Variants in CYB5R4 observed in about 807,000 individuals in gnomAD.
The protein encoded by CYB5R4 is cytochrome b5 reductase 4.
A neutral mutation model predicts 70.2 loss-of-function variants in CYB5R4; 55 were observed. The ratio of observed to expected loss-of-function variants is 0.78; its 90% confidence interval spans 0.63 to 0.98. CYB5R4 has a LOEUF of 0.98. Among genes scored for constraint, CYB5R4 ranks in the 50% least tolerant of loss-of-function variants. The probability of loss-of-function intolerance (pLI) is 0.00; values close to 1 mark genes in which losing one functional copy is unlikely to be tolerated. For missense variants in CYB5R4, 562 were observed against 612.6 expected, an observed-to-expected ratio of 0.92 and a Z score of 0.87; for synonymous variants, 197 against 199.5, an observed-to-expected ratio of 0.99 and a Z score of 0.11.
At position 83,870,719 on chromosome 6, in the gene CYB5R4, C is replaced by T. The variant is rs560310382; in HGVS notation, c.229+6391C>T. Among the ~76,000 whole-genome samples the T allele has an allele frequency of 2.2e-4, 34 of 152,114 alleles. No homozygotes were observed. The South Asian group carries it at 6.4e-3, about 29-fold the overall frequency. ...TTTCTTGGCAGATTTTTGAACAACT[C>T]TCTTCTTCCATTTTCTTGTTTAGGT... On this transcript the variant is annotated intron_variant, in intron 2 of 15. Coordinates refer to ENST00000369681, the MANE Select transcript of CYB5R4 (RefSeq NM_016230.4).
At chr6:83,871,458 T>C (rs1308630357) in intron 2 of CYB5R4, among the ~76,000 whole-genome samples, 4 of 152,190 alleles carry the variant, frequency 2.6e-5, no homozygotes, top group African/African-American at 4.8e-5. Context: ...ACTCTTTTCC[T>C]TCTCCTCCTT....
chr6:83,933,429 G>A (rs866253047), intron 10 of CYB5R4, among the ~76,000 whole-genome samples: 41 of 152,228 alleles, frequency 2.7e-4, no homozygotes, highest in Middle Eastern at 3.4e-3. Flanking sequence ...GTGAATTTCA[G>A]TTTTCTACTA....
chr6:83,936,960 T>C (rs1311567845), intron 12 of CYB5R4, among the ~76,000 whole-genome samples: 1 of 152,230 alleles, frequency 6.6e-6, no homozygotes, highest in Non-Finnish European at 1.5e-5. Context: ...TTTCTTTACC[T>C]GTCAAGTACT....
intron 3 of CYB5R4, among the ~76,000 whole-genome samples, chr6:83,905,106 G>C: frequency 6.6e-6 from 1 of 152,116 alleles, no homozygotes; most frequent in South Asian, 2.1e-4. Flanking sequence ...CCAGGCTGGA[G>C]TGCAGCGGTG....
intron 5 of CYB5R4, among the ~76,000 whole-genome samples, chr6:83,917,032 C>G (rs952418212): frequency 6.6e-6 from 1 of 152,068 alleles, no homozygotes; most frequent in Non-Finnish European, 1.5e-5. Flanking sequence ...AAACAATGCA[C>G]TTCTATTGTA....
At chr6:83,939,713 T>C (rs1390577877) in intron 12 of CYB5R4, among the ~76,000 whole-genome samples, 1 of 152,228 alleles carries the variant, frequency 6.6e-6, no homozygotes, top group Non-Finnish European at 1.5e-5. Flanking sequence ...AGTTTAGCAA[T>C]CAATCCTTTA....
intron 14 of CYB5R4, among the ~76,000 whole-genome samples, chr6:83,955,069 T>A (rs561909713): frequency 5.3e-5 from 8 of 152,202 alleles, no homozygotes; most frequent in African/African-American, 1.9e-4. Context: ...TAAAAAAAAA[T>A]GCCAAATTAC....
chr6:83,930,835 C>T (rs558906949), intron 10 of CYB5R4, among the ~76,000 whole-genome samples: 1 of 151,976 alleles, frequency 6.6e-6, no homozygotes, highest in South Asian at 2.1e-4. Context: ...GACAGTCACC[C>T]AAAAACTCTG....
intron 15 of CYB5R4, among the ~76,000 whole-genome samples, chr6:83,956,903 T>TAAA (rs34874459): frequency 7.8e-6 from 1 of 127,762 alleles, no homozygotes; most frequent in Non-Finnish European, 1.7e-5. Context: ...TTGGGCAAGA[T>TAAA]AAAAAAAAAA....
chr6:83,871,394 G>A (rs2099457607), intron 2 of CYB5R4, among the ~76,000 whole-genome samples: 1 of 152,140 alleles, frequency 6.6e-6, no homozygotes, highest in Non-Finnish European at 1.5e-5. Flanking sequence ...TAACATCTAA[G>A]ATTATTTGCT....
rs751918513 is a variant in CYB5R4, at chr6:83,934,661, G to T, written c.881G>T (p.Cys294Phe). Reference protein sequence around the residue: ...EDVTHDTRLFCLMLPPSTHLQ... With the variant: ...EDVTHDTRLFFLMLPPSTHLQ... ...GTTACTCATGATACGAGGCTTTTCTGTTTGATGCTGCCACCAAGCACTCAT... is the reference window on the plus strand; with the variant it reads ...GTTACTCATGATACGAGGCTTTTCTTTTTGATGCTGCCACCAAGCACTCAT... Residue 294 changes from cysteine to phenylalanine, a missense_variant, in exon 11 of 16, where the codon TGT (cysteine) becomes TTT (phenylalanine). By Grantham distance (205) the Cys-to-Phe change is radical (BLOSUM62 -2). Transcript: ENST00000369681. 4 of 1,613,760 alleles carry T rather than the reference G, an allele frequency of 2.5e-6. No homozygotes were observed. The East Asian group carries it at 8.9e-5, about 36-fold the overall frequency.
chr6:83,938,035 A>G (rs2099469194), intron 12 of CYB5R4, among the ~76,000 whole-genome samples: 1 of 152,222 alleles, frequency 6.6e-6, no homozygotes, highest in Non-Finnish European at 1.5e-5. Flanking sequence ...GAAATAAACA[A>G]AATTACATTA....
intron 14 of CYB5R4, among the ~76,000 whole-genome samples, chr6:83,952,899 A>G (rs2099471768): frequency 6.6e-6 from 1 of 152,176 alleles, no homozygotes. Flanking sequence ...GCAATGTGGC[A>G]GTTCCATTTA....
chr6:83,876,616 C>T (rs1362407568), intron 2 of CYB5R4, among the ~76,000 whole-genome samples: 1 of 151,602 alleles, frequency 6.6e-6, no homozygotes, highest in Non-Finnish European at 1.5e-5. Context: ...TAATATACTT[C>T]CATTTTCCTT....
At position 83,963,028 on chromosome 6, in the gene CYB5R4, T is replaced by G. The variant is rs1192658537; in HGVS notation, c.*3150T>G. Reference sequence around the variant, plus strand: ...CACTGCTTTTAAGATCTCATGTGGTTAGATTGGACCTATCCAGATATCCAG... The same window carrying G: ...CACTGCTTTTAAGATCTCATGTGGTGAGATTGGACCTATCCAGATATCCAG... On this transcript the variant is annotated 3_prime_UTR_variant, in exon 16 of 16. Coordinates refer to ENST00000369681, the MANE Select transcript of CYB5R4 (RefSeq NM_016230.4). The G allele has an allele frequency of 2.6e-5, 4 of 152,220 alleles. No homozygotes were observed. The highest frequency in any genetic ancestry group is 5.9e-5 in the Non-Finnish European group (4 of 68,040). 9.4% of individuals were successfully genotyped at this position (152,220 alleles called of 1,614,324 possible).
rs1389570780 is a variant in CYB5R4, at chr6:83,924,599, T to G, written c.814+7T>G. The G allele has an allele frequency of 1.2e-6, 2 of 1,609,958 alleles. No homozygotes were observed. The highest frequency in any genetic ancestry group is 2.7e-5 in the African/African-American group (2 of 74,718). On this transcript the variant is annotated splice_region_variant and intron_variant, in intron 10 of 15. Transcript: ENST00000369681. The stretch of plus-strand genomic sequence containing the variant: ...ATTCCAAGGAAAGATACAGGTATGC[T>G]GTGTTCTTTTGTTACGTTAATTTCA...
chr6:83,934,800 T>G, intron 11 of CYB5R4, 65 bp downstream of exon 11: 1 of 1,383,730 alleles, frequency 7.2e-7, no homozygotes, highest in Non-Finnish European at 9.9e-7. Context: ...ATCAGTACTA[T>G]TCTCTCTAGA....
rs779500615 is a variant in CYB5R4, at chr6:83,921,095, A to G, written c.578A>G (p.Asp193Gly). Reference protein sequence around the residue: ...IYTKQKDINLDSIIVDHQNDS... With the variant: ...IYTKQKDINLGSIIVDHQNDS... ...TTTCTCTTTAAGGATATCAATTTAG[A>G]CTCAATAATAGTTGATCATCAGAAT... Residue 193 changes from aspartate to glycine, a missense_variant, in exon 8 of 16, where the codon GAC becomes GGC. Asp to Gly is a moderately conservative substitution (Grantham distance 94). Transcript: ENST00000369681. The G allele has an allele frequency of 6.6e-7, 1 of 1,510,494 alleles. No individual in the cohort carries two copies. The highest frequency in any genetic ancestry group is 1.2e-5 in the South Asian group (1 of 81,274). 93.6% of individuals were successfully genotyped at this position (1,510,494 alleles called of 1,614,324 possible).
At chr6:83,939,975 GCTT>G (rs934242715) in intron 12 of CYB5R4, 78 bp from the exon 13 acceptor site, 13 of 975,722 alleles carry the variant, frequency 1.3e-5, no homozygotes, top group Non-Finnish European at 2.0e-5. Flanking sequence ...GCTAGTTTTG[GCTT>G]CTTAGTTTCC....
Sources: gnomAD v4.1 joint callset for allele counts (sites outside exome capture counted in the v4.1 genomes callset) on GRCh38, gnomAD v4.1.1 for gene constraint, MANE v1.5 for transcripts, NCBI Gene and HGNC (gene_info 2026-07-23, HGNC 2026-07-21) for gene names.